Variants in CLTA observed in about 807,000 individuals in gnomAD.
The protein encoded by CLTA is clathrin light chain A.
A neutral mutation model predicts 26.9 loss-of-function variants in CLTA; 9 were observed. The observed-to-expected ratio is 0.33, with a 90% confidence interval of 0.20 to 0.58. The LOEUF (loss-of-function observed/expected upper bound fraction) is 0.58, where lower values mean the gene tolerates loss of function less well. CLTA is among the 20% of genes least tolerant of loss of function. CLTA has a pLI of 0.85. For synonymous variants in CLTA, 120 were observed against 115.5 expected, an observed-to-expected ratio of 1.04 and a Z score of -0.25; for missense variants, 278 against 294.2, an observed-to-expected ratio of 0.94 and a Z score of 0.40.
chr9:36,198,066 G>T (rs578151413), intron 2 of CLTA, among the ~76,000 whole-genome samples: 1 of 126,098 alleles, frequency 7.9e-6, no homozygotes, highest in Non-Finnish European at 1.6e-5. Context: ...GCACGATCTT[G>T]TCTCATTGCA....
chr9:36,191,546 T>G (rs1181517677), intron 1 of CLTA, among the ~76,000 whole-genome samples: 7 of 152,164 alleles, frequency 4.6e-5, no homozygotes, highest in Non-Finnish European at 1.5e-5. Context: ...CCCGTTCAAT[T>G]CAGCAACTTT....
chr9:36,193,639 G>A (rs1166444460), intron 1 of CLTA, among the ~76,000 whole-genome samples: 1 of 152,114 alleles, frequency 6.6e-6, no homozygotes, highest in Non-Finnish European at 1.5e-5. Context: ...TTTTAGGCGG[G>A]AGCTCTCTTT....
intron 1 of CLTA, among the ~76,000 whole-genome samples, chr9:36,196,282 C>CA (rs200848535): frequency 6.6e-4 from 77 of 116,426 alleles, no homozygotes; most frequent in African/African-American, 2.5e-3. Context: ...GACTCTCTCT[C>CA]AAAAAAAAAT....
At chr9:36,190,874 C>T, upstream of CLTA, 1 of 974,378 alleles carries the variant, frequency 1.0e-6, no homozygotes, top group Non-Finnish European at 1.4e-6. Context: ...GTTCCCTTTT[C>T]GGCTCTGCAA....
intron 1 of CLTA, among the ~76,000 whole-genome samples, chr9:36,192,099 G>T (rs1387756545): frequency 6.6e-6 from 1 of 152,174 alleles, no homozygotes; most frequent in African/African-American, 2.4e-5. Flanking sequence ...GAGTGGAAAA[G>T]ACCTACTTAA....
chr9:36,204,270 C>T (rs1371865175), intron 4 of CLTA, 91 bp downstream of exon 4: 3 of 1,379,168 alleles, frequency 2.2e-6, no homozygotes, highest in South Asian at 1.3e-5. Flanking sequence ...GCTTCTGCCT[C>T]CTTTAGTGTG....
intron 4 of CLTA, among the ~76,000 whole-genome samples, chr9:36,209,882 T>C (rs1316363730): frequency 6.6e-6 from 1 of 151,968 alleles, no homozygotes; most frequent in Non-Finnish European, 1.5e-5. Flanking sequence ...CTCCAGTGGG[T>C]GTCTATAATT....
intron 3 of CLTA, among the ~76,000 whole-genome samples, chr9:36,199,434 ATTTTTCTTTTTTCT>A (rs757650483): frequency 3.3e-5 from 5 of 149,850 alleles, no homozygotes; most frequent in South Asian, 2.1e-4. Context: ...TTAACAGTCC[ATTTTTCTTTTTTCT>A]TTTTTCTTTT....
chr9:36,192,663 C>T, intron 1 of CLTA, among the ~76,000 whole-genome samples: 1 of 126,464 alleles, frequency 7.9e-6, no homozygotes, highest in African/African-American at 3.7e-5. Flanking sequence ...ACTTCTTAGA[C>T]CCTTAGTTTA....
chr9:36,212,043 T>C lies in CLTA; in HGVS notation c.*269T>C. The C allele has an allele frequency of 1.7e-6, 1 of 584,834 alleles. No homozygotes were observed. Among genetic ancestry groups the C allele is most frequent in the Non-Finnish European group, 3.2e-6 (1 of 317,396 alleles). The allele number at this position is 584,834 out of a possible 1,614,324, so 36.2% of individuals were successfully genotyped here. On this transcript the variant is annotated 3_prime_UTR_variant, in exon 5 of 5. Coordinates refer to ENST00000345519, the MANE Select transcript of CLTA (RefSeq NM_001833.4). ...TCTGTGCATTATTCTGAGAATAAAT[T>C]TCTGTTTCAAACTGTATTATGTGAA... is the stretch of plus-strand genomic sequence containing the variant.
At chr9:36,205,755 G>GTTTTTTTTT (rs746587996) in intron 4 of CLTA, among the ~76,000 whole-genome samples, 1 of 93,998 alleles carries the variant, frequency 1.1e-5, no homozygotes, top group African/African-American at 4.1e-5. Flanking sequence ...AATGACACCT[G>GTTTTTTTTT]TTTTTTTTTT....
chr9:36,211,570 G>C, intron 4 of CLTA, 33 bp from the exon 5 acceptor site: 1 of 1,585,986 alleles, frequency 6.3e-7, no homozygotes, highest in Non-Finnish European at 8.6e-7. Context: ...AGGGGGTTCT[G>C]CATAAACCAA....
At chr9:36,198,705 A>G (rs1450135123) in intron 2 of CLTA, among the ~76,000 whole-genome samples, 1 of 149,244 alleles carries the variant, frequency 6.7e-6, no homozygotes, top group Non-Finnish European at 1.5e-5. Context: ...CACCCCAGAA[A>G]AAAAAAAAAA....
In CLTA at chr9:36,211,641, C is replaced by G; in HGVS notation, c.524C>G (p.Ser175Trp). 6.2e-7 allele frequency: 1 copy of G among 1,613,700 alleles called. No homozygotes were observed. The highest frequency in any genetic ancestry group is 8.5e-7 in the Non-Finnish European group (1 of 1,179,716). The change falls in exon 5 of 5, where the codon TCG becomes TGG. Residue 175 changes from serine to tryptophan, a missense_variant. Physicochemically the swap from Ser to Trp is radical, Grantham distance 177. Transcript: ENST00000345519. ...GCCTTTGTAAATGACATTGACGAGTCGTCCCCAGGCACTGAGTGGGAACGG... is the reference window on the plus strand; with the variant it reads ...GCCTTTGTAAATGACATTGACGAGTGGTCCCCAGGCACTGAGTGGGAACGG... ...EEAFVNDIDE[S>W]SPGTEWERVA...
chr9:36,198,994 A>G lies in CLTA; in HGVS notation c.271A>G (p.Thr91Ala), dbSNP rs781103580. Residue 91 changes from threonine to alanine, a missense_variant, in exon 3 of 5, where the codon ACA (threonine) becomes GCA (alanine). Transcript: ENST00000345519. Reference protein sequence around the residue: ...GEYYQESNGPTDSYAAISQVD... With the variant: ...GEYYQESNGPADSYAAISQVD... ...TTGTGTTAAGGAAAGTAATGGTCCAACAGACAGTTATGCAGCTATTTCACA... is the reference window on the plus strand; with the variant it reads ...TTGTGTTAAGGAAAGTAATGGTCCAGCAGACAGTTATGCAGCTATTTCACA... 5 of 1,613,248 alleles carry G rather than the reference A, an allele frequency of 3.1e-6. No individual in the cohort carries two copies. Among genetic ancestry groups the G allele is most frequent in the African/African-American group, 1.3e-5 (1 of 75,038 alleles).
In CLTA at chr9:36,211,697, T is replaced by C. The variant is rs1445967801; in HGVS notation, c.580T>C (p.Ser194Pro). Residue 194 changes from serine to proline, a missense_variant, in exon 5 of 5, where the codon TCT becomes CCT. Physicochemically the swap from Ser to Pro is moderately conservative, Grantham distance 74 (BLOSUM62 -1). Coordinates refer to ENST00000345519, the MANE Select transcript of CLTA (RefSeq NM_001833.4). The stretch of plus-strand genomic sequence containing the variant: ...CCGGCTGTGTGACTTTAACCCCAAG[T>C]CTAGCAAGCAGGCCAAAGATGTCTC... ...VARLCDFNPK[S>P]SKQAKDVSRM... is the part of the protein sequence containing the mutation. 6.2e-7 allele frequency: 1 copy of C among 1,613,870 alleles called. No homozygotes were observed. Among genetic ancestry groups the C allele is most frequent in the Non-Finnish European group, 8.5e-7 (1 of 1,179,966 alleles).
intron 4 of CLTA, among the ~76,000 whole-genome samples, chr9:36,208,053 G>A (rs917591597): frequency 1.3e-5 from 2 of 152,228 alleles, no homozygotes; most frequent in African/African-American, 4.8e-5. Flanking sequence ...GCATGTGTGA[G>A]CTTAAAAATT....
intron 1 of CLTA, among the ~76,000 whole-genome samples, chr9:36,191,959 C>G (rs181954164): frequency 6.6e-6 from 1 of 152,228 alleles, no homozygotes; most frequent in East Asian, 1.9e-4. Context: ...CAAGATTAGC[C>G]TAAACCAATC....
At chr9:36,209,364 T>C in intron 4 of CLTA, 2 of 1,447,090 alleles carry the variant, frequency 1.4e-6, no homozygotes, top group South Asian at 1.2e-5. Context: ...TGATTCTTTC[T>C]ACTTTTGTTT....
Sources: gnomAD v4.1 joint callset for allele counts (sites outside exome capture counted in the v4.1 genomes callset) on GRCh38, gnomAD v4.1.1 for gene constraint, MANE v1.5 for transcripts, NCBI Gene and HGNC (gene_info 2026-07-23, HGNC 2026-07-21) for gene names.